Variants in GFOD1 observed in about 807,000 individuals in gnomAD.
GFOD1 encodes the protein Gfo/Idh/MocA-like oxidoreductase domain containing 1, also known as glucose-fructose oxidoreductase domain-containing protein 1.
Under a neutral mutation model 25.4 loss-of-function variants are expected in GFOD1, and 9 were observed. The ratio of observed to expected loss-of-function variants is 0.35; its 90% CI spans 0.21 to 0.62. GFOD1 has a LOEUF of 0.62. Among genes scored for constraint, GFOD1 ranks in the 20% least tolerant of loss-of-function variants. The probability of loss-of-function intolerance (pLI) is 0.72; values close to 1 mark genes in which losing one functional copy is unlikely to be tolerated. For synonymous variants in GFOD1, 253 were observed against 245.6 expected (o/e 1.03, Z -0.28); for missense variants, 403 against 556.9 (o/e 0.72, Z 2.78).
chr6:13,410,030 T>G (rs1786046568), intron 1 of GFOD1, among the ~76,000 whole-genome samples: 1 of 136,812 alleles, frequency 7.3e-6, no homozygotes, highest in Non-Finnish European at 1.6e-5. Flanking sequence ...TTTTTTAGAT[T>G]GGCAGGGTAA....
chr6:13,418,821 AAAG>A (rs1449781461), intron 1 of GFOD1, among the ~76,000 whole-genome samples: 5 of 152,234 alleles, frequency 3.3e-5, no homozygotes, highest in Non-Finnish European at 5.9e-5. Flanking sequence ...TTGGAATAAA[AAAG>A]AAGGTCTCCT....
intron 1 of GFOD1, among the ~76,000 whole-genome samples, chr6:13,443,260 G>A (rs1757945360): frequency 6.6e-6 from 1 of 152,220 alleles, no homozygotes; most frequent in Non-Finnish European, 1.5e-5. Flanking sequence ...TCTTATGGAT[G>A]AGCAAAGAAA....
intron 1 of GFOD1, among the ~76,000 whole-genome samples, chr6:13,413,852 C>T (rs1308839420): frequency 6.6e-6 from 1 of 152,186 alleles, no homozygotes; most frequent in Non-Finnish European, 1.5e-5. Flanking sequence ...GGTTCCGTCC[C>T]TTGCACAGGT....
At chr6:13,390,811 G>A (rs1785586430) in intron 1 of GFOD1, among the ~76,000 whole-genome samples, 1 of 148,316 alleles carries the variant, frequency 6.7e-6, no homozygotes, top group African/African-American at 2.6e-5. Flanking sequence ...AAGGAAGGAA[G>A]GAAGGAAGGA....
chr6:13,382,110 T>G (rs962400261), intron 1 of GFOD1, among the ~76,000 whole-genome samples: 1 of 152,124 alleles, frequency 6.6e-6, no homozygotes, highest in African/African-American at 2.4e-5. Flanking sequence ...GTTCACATCC[T>G]AGTAAGTGGT....
At chr6:13,405,355 T>C (rs942865356) in intron 1 of GFOD1, among the ~76,000 whole-genome samples, 5 of 152,258 alleles carry the variant, frequency 3.3e-5, no homozygotes, top group Admixed American at 3.3e-4. Flanking sequence ...TGGAATTAAT[T>C]TTAATAATAT....
chr6:13,453,741 T>A lies in GFOD1; in HGVS notation c.253+32897A>T, dbSNP rs559296757. Among the ~76,000 whole-genome samples, 6 of 152,348 alleles carry A rather than the reference T, an allele frequency of 3.9e-5. No homozygotes were observed. The South Asian group carries it at 1.2e-3, about 32-fold the overall frequency. ...TAAATTATAACCTGTCAACCATATT[T>A]TAAAATTTGTTCATTTTACTGATAT... On this transcript the variant is annotated intron_variant, in intron 1 of 1. Coordinates refer to ENST00000379287, the MANE Select transcript of GFOD1 (RefSeq NM_018988.4).
chr6:13,452,663 T>C (rs971392680), intron 1 of GFOD1, among the ~76,000 whole-genome samples: 2 of 152,196 alleles, frequency 1.3e-5, no homozygotes, highest in Non-Finnish European at 2.9e-5. Context: ...CCTCTTTTTG[T>C]CTACTCCTCA....
intron 1 of GFOD1, among the ~76,000 whole-genome samples, chr6:13,444,673 A>G (rs1398508659): frequency 6.6e-6 from 1 of 152,178 alleles, no homozygotes; most frequent in Non-Finnish European, 1.5e-5. Context: ...GTAACTGGAA[A>G]CTTAAAAATA....
chr6:13,450,942 T>C (rs958935636), intron 1 of GFOD1, among the ~76,000 whole-genome samples: 14 of 152,170 alleles, frequency 9.2e-5, no homozygotes, highest in Non-Finnish European at 2.9e-5. Context: ...AAATCAAGAC[T>C]CCGGTGAGGT....
intron 1 of GFOD1, among the ~76,000 whole-genome samples, chr6:13,381,910 C>T (rs560024722): frequency 4.5e-3 from 413 of 91,348 alleles, no homozygotes; most frequent in Non-Finnish European, 6.7e-3. Flanking sequence ...CACACACGCG[C>T]GCGCGCACAC....
At chr6:13,374,267 T>TGTGTGTGTGTGTGTGTG (rs1554199393) in intron 1 of GFOD1, among the ~76,000 whole-genome samples, 6 of 133,930 alleles carry the variant, frequency 4.5e-5, no homozygotes, top group Non-Finnish European at 7.8e-5. Flanking sequence ...AAAATATGTT[T>TGTGTGTGTGTGTGTGTG]TTTTTTTGTG....
intron 1 of GFOD1, among the ~76,000 whole-genome samples, chr6:13,416,794 G>A (rs1283489346): frequency 1.3e-5 from 2 of 152,154 alleles, no homozygotes; most frequent in Non-Finnish European, 2.9e-5. Flanking sequence ...TAGGCTCTAG[G>A]CTAAAAATTG....
intron 1 of GFOD1, among the ~76,000 whole-genome samples, chr6:13,428,537 A>C (rs1458176985): frequency 2.0e-5 from 3 of 151,444 alleles, no homozygotes; most frequent in Non-Finnish European, 4.4e-5. Context: ...TTTCATTTCC[A>C]CTCCCTTTCA....
chr6:13,427,886 C>A (rs542147837), intron 1 of GFOD1, among the ~76,000 whole-genome samples: 1 of 152,288 alleles, frequency 6.6e-6, no homozygotes, highest in South Asian at 2.1e-4. Flanking sequence ...CCAGGCTGAG[C>A]CTCGTGACAT....
intron 1 of GFOD1, chr6:13,486,294 G>T: frequency 2.9e-6 from 1 of 346,866 alleles, no homozygotes; most frequent in Non-Finnish European, 4.9e-6. Context: ...ACACAGCTGA[G>T]GAGTAACTTT....
At chr6:13,466,880 C>T (rs1211652809) in intron 1 of GFOD1, among the ~76,000 whole-genome samples, 2 of 152,066 alleles carry the variant, frequency 1.3e-5, no homozygotes, top group Non-Finnish European at 2.9e-5. Flanking sequence ...GGGAAAAAAA[C>T]AAGGCATGAC....
chr6:13,417,643 C>T (rs1786184551), intron 1 of GFOD1, among the ~76,000 whole-genome samples: 1 of 152,214 alleles, frequency 6.6e-6, no homozygotes, highest in Non-Finnish European at 1.5e-5. Context: ...GGGCTTCTTA[C>T]TGCATCACAC....
intron 1 of GFOD1, among the ~76,000 whole-genome samples, chr6:13,466,426 C>T (rs565953975): frequency 6.6e-6 from 1 of 152,316 alleles, no homozygotes; most frequent in African/African-American, 2.4e-5. Flanking sequence ...ACACAGATTA[C>T]TAATGTCACA....
Sources: allele counts gnomAD v4.1 joint callset (sites outside exome capture counted in the v4.1 genomes callset), GRCh38; gene constraint gnomAD v4.1.1; transcripts MANE v1.5; gene names NCBI Gene and HGNC (gene_info 2026-07-23, HGNC 2026-07-21).